Variants in ZC3H12B observed in about 807,000 individuals in gnomAD.
The protein encoded by ZC3H12B is probable ribonuclease ZC3H12B.
Under a neutral mutation model 43.9 loss-of-function variants are expected in ZC3H12B, and 7 were observed. The observed-to-expected ratio is 0.16, with a 90% CI of 0.09 to 0.30. The LOEUF is 0.30. ZC3H12B is among the 10% of genes least tolerant of loss of function. ZC3H12B has a pLI of 1.00. For missense variants in ZC3H12B, 475 were observed against 670.2 expected (o/e 0.71, Z 3.22); for synonymous variants, 222 against 241.7 (o/e 0.92, Z 0.76).
chrX:65,496,254 G>T (rs1374440807), intron 1 of ZC3H12B, among the ~76,000 whole-genome samples: 3 of 111,374 alleles, frequency 2.7e-5, no homozygotes, highest in Non-Finnish European at 5.6e-5. Context: ...ATTTTTGTTG[G>T]TGCATTGTAT....
chrX:65,252,540 C>A, the ZC3H12B span, among the ~76,000 whole-genome samples: 1 of 111,672 alleles, frequency 9.0e-6, no homozygotes, highest in Non-Finnish European at 1.9e-5. Flanking sequence ...GCACAGAAAA[C>A]TTAAGGGAAT....
At chrX:65,363,788 C>A (rs2066136720), upstream of ZC3H12B, among the ~76,000 whole-genome samples, 1 of 111,891 alleles carries the variant, frequency 8.9e-6, no homozygotes, top group Non-Finnish European at 1.9e-5. Flanking sequence ...CTTTTGGAGG[C>A]CCTCAAAATC....
the ZC3H12B span, among the ~76,000 whole-genome samples, chrX:65,058,904 C>T: frequency 8.9e-6 from 1 of 112,133 alleles, no homozygotes; most frequent in African/African-American, 3.2e-5. Context: ...TCTGGTGTGC[C>T]GTTTGCTAAG....
At chrX:65,139,284 T>G in the ZC3H12B span, among the ~76,000 whole-genome samples, 1 of 112,168 alleles carries the variant, frequency 8.9e-6, no homozygotes, top group African/African-American at 3.2e-5. Context: ...GAAATAAGAG[T>G]GTAGTTTTAT....
chrX:65,107,383 A>G, the ZC3H12B span, among the ~76,000 whole-genome samples: 4 of 111,587 alleles, frequency 3.6e-5, no homozygotes, highest in African/African-American at 6.5e-5. Flanking sequence ...GGCTACCGAA[A>G]AAAGGGGTGT....
chrX:65,285,160 G>T, the ZC3H12B span, among the ~76,000 whole-genome samples: 18 of 110,290 alleles, frequency 1.6e-4, no homozygotes, highest in Admixed American at 2.9e-4. Flanking sequence ...GACAGGTGGT[G>T]TTTGGTTACA....
chrX:65,183,722 G>C, the ZC3H12B span, among the ~76,000 whole-genome samples: 1 of 111,544 alleles, frequency 9.0e-6, no homozygotes, highest in Non-Finnish European at 1.9e-5. Flanking sequence ...TTTGTTATCT[G>C]TCTTCCCAAA....
At chrX:65,424,850 C>T (rs2067061691) in intron 3 of ZC3H12B, among the ~76,000 whole-genome samples, 1 of 111,786 alleles carries the variant, frequency 8.9e-6, no homozygotes, top group African/African-American at 3.3e-5. Flanking sequence ...CAGTACCATG[C>T]TGTTTTGGTT....
the ZC3H12B span, among the ~76,000 whole-genome samples, chrX:65,179,832 C>A: frequency 8.9e-6 from 1 of 111,886 alleles, no homozygotes; most frequent in Non-Finnish European, 1.9e-5. Context: ...TCTGAATAGA[C>A]CAATAACAAT....
chrX:65,129,824 C>T, the ZC3H12B span, among the ~76,000 whole-genome samples: 11 of 110,201 alleles, frequency 1.0e-4, no homozygotes, highest in African/African-American at 2.3e-4. Context: ...GGATTAGGGG[C>T]GGCATGGGAA....
chrX:65,040,248 A>G, the ZC3H12B span, among the ~76,000 whole-genome samples: 1 of 111,243 alleles, frequency 9.0e-6, no homozygotes. Flanking sequence ...TGCCCTTTTC[A>G]GGGCTGGGTA....
chrX:65,190,788 A>C, the ZC3H12B span, among the ~76,000 whole-genome samples: 6 of 104,663 alleles, frequency 5.7e-5, no homozygotes, highest in African/African-American at 2.1e-4. Flanking sequence ...AATACCCTTT[A>C]TTTCCTTCTC....
the ZC3H12B span, among the ~76,000 whole-genome samples, chrX:65,054,327 G>T: frequency 9.0e-6 from 1 of 111,442 alleles, no homozygotes; most frequent in South Asian, 3.7e-4. Flanking sequence ...TTCTACATAT[G>T]GCTAGCCAGT....
chrX:65,277,060 G>A, the ZC3H12B span, among the ~76,000 whole-genome samples: 6 of 111,462 alleles, frequency 5.4e-5, no homozygotes, highest in Non-Finnish European at 1.1e-4. Flanking sequence ...CAAAAAGCGA[G>A]CAGAGTAGCT....
the ZC3H12B span, among the ~76,000 whole-genome samples, chrX:65,212,723 T>G: frequency 1.1e-5 from 1 of 93,954 alleles, no homozygotes; most frequent in South Asian, 4.3e-4. Flanking sequence ...CATATATATA[T>G]CATATATAAA....
the ZC3H12B span, among the ~76,000 whole-genome samples, chrX:65,290,120 T>C: frequency 9.1e-6 from 1 of 110,232 alleles, no homozygotes; most frequent in East Asian, 2.8e-4. Flanking sequence ...TAAAACAAAC[T>C]CAAACAAATC....
the ZC3H12B span, among the ~76,000 whole-genome samples, chrX:65,263,696 G>T: frequency 9.0e-6 from 1 of 111,312 alleles, no homozygotes; most frequent in African/African-American, 3.3e-5. Flanking sequence ...CTTAAAAGTG[G>T]ATGTTTCCTG....
the ZC3H12B span, among the ~76,000 whole-genome samples, chrX:65,116,692 T>C: frequency 1.8e-5 from 2 of 110,471 alleles, no homozygotes; most frequent in Admixed American, 9.7e-5. Context: ...ATTAGGTATA[T>C]CTCCTAATGC....
At chrX:65,480,804 C>T (rs1216932789) in intron 3 of ZC3H12B, among the ~76,000 whole-genome samples, 1 of 107,743 alleles carries the variant, frequency 9.3e-6, no homozygotes, top group Non-Finnish European at 1.9e-5. Context: ...CGAGATTATG[C>T]CATTGCACTC....
Sources: gnomAD v4.1 joint callset for allele counts (sites outside exome capture counted in the v4.1 genomes callset) on GRCh38, gnomAD v4.1.1 for gene constraint, MANE v1.5 for transcripts, NCBI Gene and HGNC (gene_info 2026-07-23, HGNC 2026-07-21) for gene names.